The following ATRNL1 variants were observed in gnomAD, a reference collection of about 807,000 sequenced individuals.
ATRNL1 encodes attractin like 1, also known as attractin-like protein 1.
A neutral mutation model predicts 182.7 loss-of-function variants in ATRNL1; 95 were observed. That is an observed-to-expected ratio of 0.52 (90% CI 0.44 to 0.62). The LOEUF (loss-of-function observed/expected upper bound fraction) is 0.62. ATRNL1 is among the 20% of genes least tolerant of loss of function. The pLI, the probability that ATRNL1 is intolerant of heterozygous loss-of-function variation, is 0.00. For missense variants in ATRNL1, 1,471 were observed against 1,679.5 expected, an observed-to-expected ratio of 0.88 and a Z score of 2.17; for synonymous variants, 576 against 568.3, an observed-to-expected ratio of 1.01 and a Z score of -0.19.
chr10:115,257,112 T>G (rs1554907221), intron 10 of ATRNL1, among the ~76,000 whole-genome samples: 2 of 152,186 alleles, frequency 1.3e-5, no homozygotes, highest in Admixed American at 6.5e-5. Flanking sequence ...ATTCTGTTGA[T>G]TTGGGGTGGA....
chr10:115,375,726 A>G (rs1857634504), intron 19 of ATRNL1, among the ~76,000 whole-genome samples: 1 of 152,098 alleles, frequency 6.6e-6, no homozygotes, highest in African/African-American at 2.4e-5. Context: ...TACAAAAACT[A>G]TGCTTTTTCA....
intron 8 of ATRNL1, among the ~76,000 whole-genome samples, chr10:115,205,465 TG>T (rs1376376012): frequency 1.3e-5 from 2 of 151,892 alleles, no homozygotes; most frequent in African/African-American, 4.8e-5. Flanking sequence ...ACTTCTTGAG[TG>T]TAATTGTTGA....
At chr10:115,285,378 C>G (rs1852559399) in intron 14 of ATRNL1, among the ~76,000 whole-genome samples, 1 of 152,084 alleles carries the variant, frequency 6.6e-6, no homozygotes, top group South Asian at 2.1e-4. Flanking sequence ...ATAAGAGTTG[C>G]AGCAATATAT....
chr10:115,547,276 A>ATG (rs1554994062), intron 25 of ATRNL1, among the ~76,000 whole-genome samples: 3 of 148,526 alleles, frequency 2.0e-5, no homozygotes, highest in Non-Finnish European at 3.0e-5. Flanking sequence ...ATATATATAT[A>ATG]TATATAAATA....
chr10:115,158,501 C>T (rs1846628836), intron 5 of ATRNL1, among the ~76,000 whole-genome samples: 2 of 151,972 alleles, frequency 1.3e-5, no homozygotes, highest in South Asian at 4.1e-4. Context: ...AGTCTTTTCT[C>T]ACTCAGAAAT....
intron 8 of ATRNL1, 102 bp from the exon 9 acceptor site, chr10:115,215,594 TA>T: frequency 1.1e-6 from 1 of 907,860 alleles, no homozygotes; most frequent in East Asian, 2.9e-5. Flanking sequence ...TGTTTACTCA[TA>T]AAAATATGTC....
chr10:115,553,615 G>A (rs1238417636), intron 26 of ATRNL1, among the ~76,000 whole-genome samples: 1 of 151,160 alleles, frequency 6.6e-6, no homozygotes, highest in African/African-American at 2.4e-5. Flanking sequence ...ATAAAACTTA[G>A]ATTTGCATTT....
intron 19 of ATRNL1, among the ~76,000 whole-genome samples, chr10:115,371,206 T>C (rs1857377373): frequency 6.6e-6 from 1 of 152,212 alleles, no homozygotes; most frequent in Non-Finnish European, 1.5e-5. Context: ...GGAGAACCTC[T>C]GCTGGGGCAG....
At chr10:115,517,258 ATTG>A (rs1850686405) in intron 24 of ATRNL1, among the ~76,000 whole-genome samples, 2 of 151,618 alleles carry the variant, frequency 1.3e-5, no homozygotes, top group African/African-American at 2.4e-5. Flanking sequence ...TTGTTTTATT[ATTG>A]TTATGTTTTC....
chr10:115,134,206 G>C (rs1316702588), intron 5 of ATRNL1, among the ~76,000 whole-genome samples: 1 of 152,074 alleles, frequency 6.6e-6, no homozygotes, highest in Non-Finnish European at 1.5e-5. Context: ...AACTGAAGGA[G>C]ATAGAGACAC....
chr10:115,263,415 G>T (rs1371719696), intron 10 of ATRNL1, among the ~76,000 whole-genome samples: 2 of 151,752 alleles, frequency 1.3e-5, no homozygotes, highest in African/African-American at 4.8e-5. Context: ...AATGTAAAAT[G>T]GTCCAGCTAC....
chr10:115,654,512 A>T (rs1860215803), intron 26 of ATRNL1, among the ~76,000 whole-genome samples: 1 of 152,140 alleles, frequency 6.6e-6, no homozygotes, highest in East Asian at 1.9e-4. Context: ...AGCAACTATC[A>T]TTCCCATCAT....
chr10:115,921,748 A>C (rs1953070014), intron 28 of ATRNL1, among the ~76,000 whole-genome samples: 2 of 152,342 alleles, frequency 1.3e-5, no homozygotes, highest in African/African-American at 2.4e-5. Context: ...TTCATGCAGT[A>C]GCTAATCTTT....
chr10:115,125,875 G>A (rs1168762645), intron 3 of ATRNL1, among the ~76,000 whole-genome samples: 1 of 151,944 alleles, frequency 6.6e-6, no homozygotes, highest in Non-Finnish European at 1.5e-5. Context: ...ATGCCAATAG[G>A]GTAAATGACC....
At chr10:115,217,478 G>GT (rs1554896544) in intron 9 of ATRNL1, among the ~76,000 whole-genome samples, 1 of 152,072 alleles carries the variant, frequency 6.6e-6, no homozygotes, top group Non-Finnish European at 1.5e-5. Context: ...AATAATAATG[G>GT]GTATAGCAAT....
At chr10:115,135,404 G>A (rs1254295698) in intron 5 of ATRNL1, among the ~76,000 whole-genome samples, 3 of 152,166 alleles carry the variant, frequency 2.0e-5, no homozygotes, top group East Asian at 3.9e-4. Context: ...TTCAAACAGA[G>A]AGCCAAATCA....
At chr10:115,747,400 C>T (rs1948323027) in intron 27 of ATRNL1, among the ~76,000 whole-genome samples, 1 of 152,032 alleles carries the variant, frequency 6.6e-6, no homozygotes, top group Non-Finnish European at 1.5e-5. Context: ...GATATTGGCC[C>T]CATCTTGCAG....
At chr10:115,688,963 G>A (rs1946306655) in intron 26 of ATRNL1, among the ~76,000 whole-genome samples, 1 of 152,030 alleles carries the variant, frequency 6.6e-6, no homozygotes, top group Non-Finnish European at 1.5e-5. Context: ...CATCTTTTGA[G>A]TTTACTTTTG....
At position 115,474,838 on chromosome 10, in the gene ATRNL1, C is replaced by A. The variant is rs563760109; in HGVS notation, c.3654+5509C>A. On this transcript the variant is annotated intron_variant, in intron 24 of 28. Coordinates refer to ENST00000355044, the MANE Select transcript of ATRNL1 (RefSeq NM_207303.4). ...TTACAAAGTAAACAGTTCTTCAATA[C>A]CCTGCTATCAAAGTATGGACTGACT... Among the ~76,000 whole-genome samples, 19 of 151,386 alleles carry A rather than the reference C, an allele frequency of 1.3e-4. No individual in the cohort carries two copies. In the East Asian group the frequency reaches 1.6e-3, roughly 12 times the overall value.
Sources: allele counts gnomAD v4.1 joint callset (sites outside exome capture counted in the v4.1 genomes callset), GRCh38; gene constraint gnomAD v4.1.1; transcripts MANE v1.5; gene names NCBI Gene and HGNC (gene_info 2026-07-23, HGNC 2026-07-21).